UIMC1: variants seen among roughly 807,000 people sequenced by gnomAD.
UIMC1 encodes BRCA1-A complex subunit RAP80.
A neutral mutation model predicts 84.9 loss-of-function variants in UIMC1; 42 were observed. The observed-to-expected ratio is 0.49, with a 90% CI of 0.39 to 0.64. The LOEUF is 0.64. UIMC1 is among the 30% of genes least tolerant of loss of function. UIMC1 has a pLI of 0.00. For missense variants in UIMC1, 825 were observed against 847.6 expected (o/e 0.97, Z 0.33); for synonymous variants, 281 against 293.0 (o/e 0.96, Z 0.42).
intron 5 of UIMC1, 102 bp downstream of exon 5, chr5:176,969,499 C>G (rs1768873637): frequency 7.5e-7 from 1 of 1,331,070 alleles, no homozygotes; most frequent in Admixed American, 2.4e-5. Context: ...TTTATTATCA[C>G]CAAAAGGATC....
At chr5:176,929,316 C>T (rs1762798607) in intron 10 of UIMC1, among the ~76,000 whole-genome samples, 1 of 151,538 alleles carries the variant, frequency 6.6e-6, no homozygotes, top group Non-Finnish European at 1.5e-5. Context: ...GTAATCCCAG[C>T]ACTTTGGGAG....
intron 10 of UIMC1, among the ~76,000 whole-genome samples, chr5:176,920,182 T>C (rs1474171959): frequency 6.6e-6 from 1 of 151,940 alleles, no homozygotes; most frequent in Non-Finnish European, 1.5e-5. Flanking sequence ...CCACCATGCC[T>C]GGCTAATTTT....
chr5:176,968,757 T>A lies in UIMC1; in HGVS notation c.998A>T (p.Gln333Leu). Residue 333 changes from glutamine to leucine, a missense_variant, in exon 6 of 15, where the codon CAG becomes CTG. Coordinates refer to ENST00000511320, the MANE Select transcript of UIMC1 (RefSeq NM_001199298.2). ...PVLPRPPSLIQNECGQGEQAS... is the reference protein window; with the variant it reads ...PVLPRPPSLILNECGQGEQAS... ...CTGCTCTCCTTGGCCACATTCATTC[T>A]GGATCAGAGAAGGAGGTCTAGGTAA... 6.2e-7 allele frequency: 1 copy of A among 1,614,202 alleles called. No individual in the cohort carries two copies. Among genetic ancestry groups the A allele is most frequent in the Non-Finnish European group, 8.5e-7 (1 of 1,180,030 alleles).
intron 6 of UIMC1, among the ~76,000 whole-genome samples, chr5:176,966,455 C>G (rs528023117): frequency 8.9e-4 from 136 of 152,234 alleles, no homozygotes; most frequent in Non-Finnish European, 1.4e-3. Context: ...TTTCTTGAAC[C>G]TTTATCATAA....
At chr5:176,946,703 C>T (rs946450254) in intron 9 of UIMC1, among the ~76,000 whole-genome samples, 16 of 151,776 alleles carry the variant, frequency 1.1e-4, no homozygotes, top group Non-Finnish European at 1.6e-4. Flanking sequence ...GGGGTGGTGG[C>T]GCATGTCTGT....
chr5:176,996,241 A>G (rs1773593658), intron 1 of UIMC1, among the ~76,000 whole-genome samples: 1 of 152,172 alleles, frequency 6.6e-6, no homozygotes, highest in Non-Finnish European at 1.5e-5. Context: ...AAAACTAATC[A>G]ACAGTTAAAG....
upstream of UIMC1, among the ~76,000 whole-genome samples, chr5:177,011,115 C>T (rs545346184): frequency 4.6e-4 from 69 of 151,474 alleles, no homozygotes; most frequent in African/African-American, 1.4e-3. Context: ...AGCTTGAGCC[C>T]GGGAGGCAGA....
rs1039960740 is a variant in UIMC1 at position 176,937,863 on chromosome 5, C to T, written c.1597+5472G>A. Among the ~76,000 whole-genome samples the T allele has an allele frequency of 5.3e-5, 8 of 152,192 alleles. No homozygotes were observed. The East Asian group carries it at 9.7e-4, about 18-fold the overall frequency. On this transcript the variant is annotated intron_variant, in intron 10 of 14. Coordinates refer to ENST00000511320, the MANE Select transcript of UIMC1 (RefSeq NM_001199298.2). ...CTTATTCCACCCCTTAAGCATTGGG[C>T]TAATGGTCTCCCAGCTTGGCTTATG... is the stretch of plus-strand genomic sequence containing the variant.
intron 1 of UIMC1, among the ~76,000 whole-genome samples, chr5:177,002,275 G>A (rs967644666): frequency 1.3e-5 from 2 of 151,954 alleles, no homozygotes; most frequent in Non-Finnish European, 2.9e-5. Flanking sequence ...ACTGGTGACA[G>A]TGAGACCTTT....
intron 10 of UIMC1, among the ~76,000 whole-genome samples, chr5:176,940,916 G>A (rs1764341549): frequency 6.6e-6 from 1 of 152,178 alleles, no homozygotes; most frequent in African/African-American, 2.4e-5. Context: ...AGGGAAGCTT[G>A]GAAATTAGCA....
At chr5:176,968,396 T>C (rs565247200) in intron 6 of UIMC1, among the ~76,000 whole-genome samples, 159 bp downstream of exon 6, 243 of 152,284 alleles carry the variant, frequency 1.6e-3, no homozygotes, top group African/African-American at 5.6e-3. Flanking sequence ...TGGTAGTTTT[T>C]TTCTTCTTTA....
intron 5 of UIMC1, 90 bp downstream of exon 5, chr5:176,969,511 G>T: frequency 7.3e-7 from 1 of 1,375,010 alleles, no homozygotes; most frequent in Non-Finnish European, 1.0e-6. Flanking sequence ...AAAAGGATCT[G>T]GGGTATTTCC....
chr5:176,913,104 G>A (rs552170012), intron 10 of UIMC1, among the ~76,000 whole-genome samples: 1 of 152,246 alleles, frequency 6.6e-6, no homozygotes, highest in South Asian at 2.1e-4. Flanking sequence ...TCACCTCTTT[G>A]AACACTTAAC....
chr5:176,905,857 G>A, intron 14 of UIMC1, 154 bp downstream of exon 14: 1 of 749,272 alleles, frequency 1.3e-6, no homozygotes, highest in Non-Finnish European at 2.2e-6. Context: ...AGCTAAATGG[G>A]GAGCACAGAG....
At chr5:176,968,280 G>C (rs1268091331) in intron 6 of UIMC1, among the ~76,000 whole-genome samples, 1 of 151,854 alleles carries the variant, frequency 6.6e-6, no homozygotes, top group Non-Finnish European at 1.5e-5. Flanking sequence ...GCTGAGGCAG[G>C]AGAACTGCTT....
At chr5:176,946,942 T>A (rs901818527) in intron 9 of UIMC1, among the ~76,000 whole-genome samples, 1 of 152,218 alleles carries the variant, frequency 6.6e-6, no homozygotes, top group African/African-American at 2.4e-5. Flanking sequence ...TACTTAAAGT[T>A]GGTGGTGAAT....
At chr5:176,953,489 G>GACACACACACAC (rs1347190087) in intron 8 of UIMC1, among the ~76,000 whole-genome samples, 17 of 82,620 alleles carry the variant, frequency 2.1e-4, no homozygotes, top group African/African-American at 1.9e-3. Context: ...TTGAAAACTG[G>GACACACACACAC]ACACATACAC....
In UIMC1 at chr5:176,985,616, CTTTTT is replaced by C. The variant is rs1287734505; in HGVS notation, c.-8-2998_-8-2994del. 2.6e-5 allele frequency among the ~76,000 whole-genome samples: 4 copies of C among 151,026 alleles called. No individual in the cohort carries two copies. In the East Asian group the frequency reaches 7.7e-4, roughly 29 times the overall value. On this transcript the variant is annotated intron_variant, in intron 1 of 14. Coordinates refer to ENST00000511320, the MANE Select transcript of UIMC1 (RefSeq NM_001199298.2). ...TATAATTTACCTACAAGTTTTTTTT[CTTTTT>C]TGAGACAAGGTCTCGCTCTGTCACC... is the stretch of plus-strand genomic sequence containing the variant.
chr5:176,955,958 C>T lies in UIMC1; in HGVS notation c.1339+1G>A. ...CAGTAAAATCACAGTGGGGTACTTA[C>T]CAGGACAAACAGTGATTTCTTCTGC... is the stretch of plus-strand genomic sequence containing the variant. On this transcript the variant is annotated splice_donor_variant, in intron 8 of 14. Transcript: ENST00000511320. LOFTEE classifies it high-confidence loss of function. The T allele has an allele frequency of 6.2e-7, 1 of 1,613,176 alleles. No individual in the cohort carries two copies. The highest frequency in any genetic ancestry group is 1.3e-5 in the African/African-American group (1 of 75,012).
Sources: gnomAD v4.1 joint callset for allele counts (sites outside exome capture counted in the v4.1 genomes callset) on GRCh38, gnomAD v4.1.1 for gene constraint, MANE v1.5 for transcripts, NCBI Gene and HGNC (gene_info 2026-07-23, HGNC 2026-07-21) for gene names.